The following TTN variants were observed in gnomAD, a reference collection of about 807,000 sequenced individuals.
The protein encoded by TTN is connectin.
Under a neutral mutation model 3,223.0 loss-of-function variants are expected in TTN, and 1,525 were observed. The observed-to-expected ratio is 0.47, with a 90% CI of 0.45 to 0.49. The LOEUF is 0.49. TTN is among the 20% of genes least tolerant of loss of function. The pLI is 0.00. For synonymous variants in TTN, 14,094 were observed against 15,161.0 expected (o/e 0.93, Z 5.17); for missense variants, 40,786 against 43,424.0 (o/e 0.94, Z 5.40).
At position 178,530,923 on chromosome 2, in the gene TTN, G is replaced by A; in HGVS notation, c.105692C>T (p.Pro35231Leu). Reference protein sequence around the residue: ...ARVTEKAVTSPPRVKSPEPRV... With the variant: ...ARVTEKAVTSLPRVKSPEPRV... ...AGGCTCTGGGGATTTGACTCTTGGT[G>A]GTGATGTCACAGCCTTTTCAGTTAC... Residue 35231 changes from proline to leucine, a missense_variant, in exon 358 of 363, where the codon CCA becomes CTA. Transcript: ENST00000589042. The A allele has an allele frequency of 1.9e-6, 3 of 1,613,930 alleles. No homozygotes were observed. Among genetic ancestry groups the A allele is most frequent in the Non-Finnish European group, 2.5e-6 (3 of 1,179,870 alleles).
rs727503538 is a variant in TTN at position 178,539,069 on chromosome 2, T to C, written c.98866A>G (p.Met32956Val). The stretch of plus-strand genomic sequence containing the variant: ...GGAACAAGCCCTGTGACAGTGTACA[T>C]TGTGGTGGTGATCTGAGTCTTGTTG... ...RHNKTQITTT[M>V]YTVTGLVPDA... The change falls in exon 353 of 363, where the codon ATG (methionine) becomes GTG (valine). Residue 32956 changes from methionine (M) to valine (V), a missense_variant. Transcript: ENST00000589042. The C allele has an allele frequency of 1.9e-5, 30 of 1,613,758 alleles. No homozygotes were observed. Among genetic ancestry groups the C allele is most frequent in the East Asian group, 1.1e-4 (5 of 44,864 alleles).
rs1165178870 is a variant in TTN at position 178,715,071 on chromosome 2, G to A, written c.26115C>T (p.Val8705=). 3.7e-6 allele frequency: 6 copies of A among 1,613,506 alleles called. No homozygotes were observed. Among genetic ancestry groups the A allele is most frequent in the Admixed American group, 1.7e-5 (1 of 59,982 alleles). The change falls in exon 90 of 363, where the codon GTC becomes GTT. Residue 8705 remains valine, a synonymous_variant. Coordinates refer to ENST00000589042, the MANE Select transcript of TTN (RefSeq NM_001267550.2). The part of the protein sequence containing the change: ...NFLTSIHILN[V]DAADIGEYQC... ...GATATTCCCCAATGTCTGCAGCATC[G>A]ACATTCAGGATGTGGATACTGGTTA...
rs374906767 is a variant in TTN, at chr2:178,553,024, A to G, written c.89876T>C (p.Ile29959Thr). 8 of 1,611,780 alleles carry G rather than the reference A, an allele frequency of 5.0e-6. No homozygotes were observed. Among genetic ancestry groups the G allele is most frequent in the East Asian group, 2.2e-5 (1 of 44,802 alleles). Residue 29959 changes from isoleucine to threonine, a missense_variant, in exon 335 of 363, where the codon ATT becomes ACT. Coordinates refer to ENST00000589042, the MANE Select transcript of TTN (RefSeq NM_001267550.2). ...ATTAATTATTGGAGATCCTCCATCA[A>G]TGAGAGGAGGATCCCAGAGCAAAGT... ...TVTLLWDPPL[I>T]DGGSPIINYV... is the part of the protein sequence containing the mutation.
Position 178,793,611 on chromosome 2 carries a change from T to C in TTN, c.1399-70A>G, listed in dbSNP as rs541201996. The C allele has an allele frequency of 3.7e-6, 6 of 1,600,174 alleles. No homozygotes were observed. The African/African-American group carries it at 8.0e-5, about 21-fold the overall frequency. On this transcript the variant is annotated intron_variant, in intron 8 of 362. Transcript: ENST00000589042. ...CATAAAAATTAGTTCAAGACCAGCCTCGCCAACATGGTGAAATCCTCTACT... is the reference window on the plus strand; with the variant it reads ...CATAAAAATTAGTTCAAGACCAGCCCCGCCAACATGGTGAAATCCTCTACT...
rs766867347 is a variant in TTN at position 178,537,437 on chromosome 2, T to G, written c.99770A>C (p.Lys33257Thr). ...NTEHYTHLVMKNVQRKTHAGK... is the reference protein window; with the variant it reads ...NTEHYTHLVMTNVQRKTHAGK... Reference sequence around the variant, plus strand: ...AGCATGAGTCTTACGTTGGACATTCTTCATGACAAGATGAGTATAGTGCTC... The same window carrying G: ...AGCATGAGTCTTACGTTGGACATTCGTCATGACAAGATGAGTATAGTGCTC... The change falls in exon 355 of 363, where the codon AAG becomes ACG. Residue 33257 changes from lysine to threonine, a missense_variant. By Grantham distance (78) the Lys-to-Thr change is moderately conservative. Transcript: ENST00000589042. The G allele has an allele frequency of 6.8e-6, 11 of 1,612,960 alleles. No individual in the cohort carries two copies. The East Asian group carries it at 2.5e-4, about 36-fold the overall frequency.
At chr2:178,753,389 T>C in intron 46 of TTN, 2 of 447,230 alleles carry the variant, frequency 4.5e-6, no homozygotes, top group Non-Finnish European at 8.0e-6. Flanking sequence ...ACATTTTTAT[T>C]TTAGGTTCTT....
Position 178,706,661 on chromosome 2 carries a change from T to C in TTN, c.29213A>G (p.Gln9738Arg), listed in dbSNP as rs1370390355. 6.2e-7 allele frequency: 1 copy of C among 1,613,960 alleles called. No individual in the cohort carries two copies. Among genetic ancestry groups the C allele is most frequent in the South Asian group, 1.1e-5 (1 of 91,082 alleles). ...NVKWTKGKWR[Q>R]LNQGGRVFIH... ...GAAAACACGACCTCCTTGGTTCAGC[T>C]GTCTCCACTTCCCTTTTGTCCATTT... The change falls in exon 102 of 363, where the codon CAG (glutamine) becomes CGG (arginine). Residue 9738 changes from glutamine to arginine, a missense_variant. Coordinates refer to ENST00000589042, the MANE Select transcript of TTN (RefSeq NM_001267550.2).
Position 178,562,808 on chromosome 2 carries a change from A to G in TTN, c.83324T>C (p.Ile27775Thr), listed in dbSNP as rs769577217. 43 of 1,613,196 alleles carry G rather than the reference A, an allele frequency of 2.7e-5. No homozygotes were observed. The highest frequency in any genetic ancestry group is 3.6e-5 in the Non-Finnish European group (42 of 1,179,578). Residue 27775 changes from isoleucine to threonine, a missense_variant, in exon 326 of 363, where the codon ATA becomes ACA. Coordinates refer to ENST00000589042, the MANE Select transcript of TTN (RefSeq NM_001267550.2). ...CACTGAGTCTTTCTTCACTTCTCTT[A>G]TGGTCAAATTCACAGGGGCACTTGG... ...DSPSAPVNLT[I>T]REVKKDSVTL...
chr2:178,572,292 A>C lies in TTN; in HGVS notation c.73840T>G (p.Ser24614Ala). The C allele has an allele frequency of 1.9e-6, 3 of 1,612,424 alleles. No homozygotes were observed. In the South Asian group the frequency reaches 3.3e-5, roughly 18 times the overall value. ...PAETAESVKA[S>A]ERPLPPGKIT... ...TTTCCTGGAGGAAGAGGTCGTTCTG[A>C]TGCTTTCACAGATTCTGCGGTTTCA... Residue 24614 changes from serine to alanine, a missense_variant, in exon 326 of 363, where the codon TCA becomes GCA. By Grantham distance (99) the Ser-to-Ala change is moderately conservative. Coordinates refer to ENST00000589042, the MANE Select transcript of TTN (RefSeq NM_001267550.2).
chr2:178,693,376 C>T (rs1246192001), intron 119 of TTN, among the ~76,000 whole-genome samples: 4 of 152,022 alleles, frequency 2.6e-5, no homozygotes, highest in African/African-American at 7.2e-5. Flanking sequence ...TAACAGGTTA[C>T]GAGATTGCAA....
chr2:178,582,432 T>C lies in TTN; in HGVS notation c.66024A>G (p.Ala22008=). ...CGCTGCAGCTGGTGATAGGCACAGT[T>C]GCAGAGACTTGAGCCCAGTTGGGCC... ...TSRPNWAQVS[A]TVPITSCSVE... Residue 22008 remains alanine (A), a synonymous_variant, in exon 314 of 363, where the codon GCA becomes GCG. Transcript: ENST00000589042. The C allele has an allele frequency of 6.2e-7, 1 of 1,612,982 alleles. No individual in the cohort carries two copies.
rs754873998 is a variant in TTN at position 178,571,453 on chromosome 2, G to C, written c.74679C>G (p.Thr24893=). ...IAAENRYGKS[T]YLNSEPTVAQ... is the part of the protein sequence containing the mutation. ...CTACAGTAGGCTCTGAATTGAGGTA[G>C]GTACTCTTCCCATATCTGTTTTCAG... The change falls in exon 326 of 363, where the codon ACC becomes ACG. Residue 24893 remains threonine (T), a synonymous_variant. Transcript: ENST00000589042. 3.1e-6 allele frequency: 5 copies of C among 1,613,416 alleles called. No individual in the cohort carries two copies. The East Asian group carries it at 8.9e-5, about 29-fold the overall frequency.
At position 178,577,046 on chromosome 2, in the gene TTN, A is replaced by G. The variant is rs1165725715; in HGVS notation, c.69289T>C (p.Cys23097Arg). The G allele has an allele frequency of 1.6e-5, 26 of 1,613,380 alleles. No homozygotes were observed. The highest frequency in any genetic ancestry group is 2.2e-5 in the Non-Finnish European group (26 of 1,179,594). The change falls in exon 324 of 363, where the codon TGC (cysteine) becomes CGC (arginine). Residue 23097 changes from cysteine to arginine, a missense_variant. Transcript: ENST00000589042. ...WTVVSEDIQS[C>R]RHVATKLIQG... ...ATAAGTTTGGTTGCCACATGCCTGC[A>G]AGACTGAATATCTTCAGAAACCACT...
chr2:178,642,004 T>C (rs1416783684), intron 219 of TTN, among the ~76,000 whole-genome samples: 1 of 151,794 alleles, frequency 6.6e-6, no homozygotes, highest in African/African-American at 2.4e-5. Context: ...GTTATGTCTA[T>C]TAACATTTTA....
rs72650077 is a variant in TTN, at chr2:178,636,624, G to A, written c.41103C>T (p.Gly13701=). 5,128 of 1,613,398 alleles carry A rather than the reference G, an allele frequency of 3.2e-3. 11 individuals carry two copies. Among genetic ancestry groups the A allele is most frequent in the Middle Eastern group, 5.4e-3 (33 of 6,056 alleles). The change falls in exon 225 of 363, where the codon GGC becomes GGT. Residue 13701 remains glycine (G), a synonymous_variant. Coordinates refer to ENST00000589042, the MANE Select transcript of TTN (RefSeq NM_001267550.2). The surrounding 1 kb of genome is among the most constrained non-coding windows in gnomAD (Gnocchi z 4.3). ...DIILTESEFV[G]SSAIFECLVS... is the part of the protein sequence containing the mutation. ...CCAAACATTCAAAGATTGCTGAAGA[G>A]CCAACGAACTCTGATTCTGTCAAGA...
rs750122705 is a variant in TTN, at chr2:178,730,621, T to A, written c.17912A>T (p.Asp5971Val). ...ASEKYKFSFH[D>V]NTAFLEISQL... is the part of the protein sequence containing the mutation. Reference sequence around the variant, plus strand: ...GCTGATTTCCAAGAAGGCAGTATTGTCATGAAAAGAGAATTTGTACTTTTC... The same window carrying A: ...GCTGATTTCCAAGAAGGCAGTATTGACATGAAAAGAGAATTTGTACTTTTC... The change falls in exon 61 of 363, where the codon GAC (aspartate) becomes GTC (valine). Residue 5971 changes from aspartate (D) to valine (V), a missense_variant. Coordinates refer to ENST00000589042, the MANE Select transcript of TTN (RefSeq NM_001267550.2). 3 of 1,613,576 alleles carry A rather than the reference T, an allele frequency of 1.9e-6. No homozygotes were observed. The Admixed American group carries it at 5.0e-5, about 27-fold the overall frequency.
Position 178,677,881 on chromosome 2 carries a change from G to A in TTN, c.34031C>T (p.Ala11344Val), listed in dbSNP as rs745360393. ...TAGAACTTCCTCTTCCTGAGGTAGA[G>A]CTACAGGAACTGGAACTGGTTCACG... ...KKREPVPVPV[A>V]LPQEEEVLFE... The change falls in exon 146 of 363, where the codon GCT (alanine) becomes GTT (valine). Residue 11344 changes from alanine (A) to valine (V), a missense_variant. Ala to Val is a moderately conservative substitution (Grantham distance 64). Transcript: ENST00000589042. 12 of 1,610,154 alleles carry A rather than the reference G, an allele frequency of 7.5e-6. No individual in the cohort carries two copies. In the African/African-American group the frequency reaches 1.5e-4, roughly 20 times the overall value.
At chr2:178,635,406 A>G in intron 227 of TTN, 34 bp downstream of exon 227, 1 of 1,603,082 alleles carries the variant, frequency 6.2e-7, no homozygotes, top group Non-Finnish European at 8.5e-7. Flanking sequence ...CATACGCAAA[A>G]CTTATAATTT....
chr2:178,662,685 T>C (rs1302659716), intron 175 of TTN, 44 bp downstream of exon 175: 1 of 916,198 alleles, frequency 1.1e-6, no homozygotes, highest in East Asian at 2.7e-5. Flanking sequence ...TTGTGAGGGG[T>C]ACAGACGATA....
Sources: allele counts gnomAD v4.1 joint callset (sites outside exome capture counted in the v4.1 genomes callset), GRCh38; gene constraint gnomAD v4.1.1; non-coding constraint Gnocchi (gnomAD v3.1); transcripts MANE v1.5; gene names NCBI Gene and HGNC (gene_info 2026-07-23, HGNC 2026-07-21).